The following CHCHD3 variants were observed in gnomAD, a reference collection of about 807,000 sequenced individuals.
CHCHD3 encodes the protein MICOS complex subunit MIC19.
CHCHD3 carries 20 observed loss-of-function variants against 38.2 expected under a neutral mutation model. The observed-to-expected ratio is 0.52, with a 90% confidence interval of 0.37 to 0.76. The LOEUF (loss-of-function observed/expected upper bound fraction) is 0.76, where lower values mean the gene tolerates loss of function less well. Among genes scored for constraint, CHCHD3 ranks in the 30% least tolerant of loss-of-function variants. CHCHD3 has a pLI of 0.00. For synonymous variants in CHCHD3, 82 were observed against 100.0 expected (o/e 0.82, Z 1.07); for missense variants, 245 against 279.2 (o/e 0.88, Z 0.87).
intron 6 of CHCHD3, among the ~76,000 whole-genome samples, chr7:132,833,922 C>T (rs555237635): frequency 6.6e-6 from 1 of 152,272 alleles, no homozygotes; most frequent in South Asian, 2.1e-4. Context: ...AAGCTTCTAT[C>T]TCCTGTAACC....
At chr7:132,989,229 T>A (rs1453525276) in intron 3 of CHCHD3, among the ~76,000 whole-genome samples, 2 of 152,210 alleles carry the variant, frequency 1.3e-5, no homozygotes, top group Non-Finnish European at 2.9e-5. Context: ...AGGACATTTA[T>A]TTTGGTCATC....
chr7:133,036,464 T>C (rs917347043), intron 2 of CHCHD3, among the ~76,000 whole-genome samples: 1 of 152,232 alleles, frequency 6.6e-6, no homozygotes, highest in Non-Finnish European at 1.5e-5. Flanking sequence ...AACTTTCATT[T>C]TACAGTTATA....
At chr7:132,980,754 TG>T (rs776995320) in intron 3 of CHCHD3, among the ~76,000 whole-genome samples, 2 of 152,150 alleles carry the variant, frequency 1.3e-5, no homozygotes, top group Non-Finnish European at 2.9e-5. Flanking sequence ...TCCTTTTAAA[TG>T]GGAAAACAAA....
chr7:132,818,690 C>A (rs1341040469), intron 6 of CHCHD3, among the ~76,000 whole-genome samples: 3 of 151,958 alleles, frequency 2.0e-5, no homozygotes, highest in African/African-American at 7.3e-5. Context: ...GCAAAAAAAA[C>A]AGTCCTTAAA....
chr7:132,976,186 CA>C (rs1299424514), intron 3 of CHCHD3, among the ~76,000 whole-genome samples: 1 of 149,448 alleles, frequency 6.7e-6, no homozygotes. Flanking sequence ...TCCTCATATG[CA>C]AATATGACCA....
intron 2 of CHCHD3, among the ~76,000 whole-genome samples, chr7:133,026,215 G>C (rs1279974844): frequency 6.6e-6 from 1 of 152,088 alleles, no homozygotes; most frequent in Non-Finnish European, 1.5e-5. Context: ...AATTAAAATG[G>C]GCAAAGGCTA....
Position 133,035,064 on chromosome 7 carries a change from C to T in CHCHD3, c.170-10437G>A. 1 of 1,613,794 alleles carries T rather than the reference C, an allele frequency of 6.2e-7. No individual in the cohort carries two copies. Among genetic ancestry groups the T allele is most frequent in the Non-Finnish European group, 8.5e-7 (1 of 1,179,768 alleles). ...CTTAAATTCATCCAACACAAAGGTA[C>T]TCTTGGGCAGGTGAGCGAAGGGGTC... On this transcript the variant is annotated intron_variant, in intron 2 of 7. Transcript: ENST00000262570. The surrounding 1 kb of genome is among the most constrained non-coding windows in gnomAD (Gnocchi z 4.7).
At chr7:132,846,368 G>A (rs964167822) in intron 5 of CHCHD3, among the ~76,000 whole-genome samples, 2 of 152,254 alleles carry the variant, frequency 1.3e-5, no homozygotes, top group Non-Finnish European at 2.9e-5. Context: ...AGCCAACTCA[G>A]CAGGAGTGAG....
chr7:132,828,515 T>TA (rs1439412293), intron 6 of CHCHD3, among the ~76,000 whole-genome samples: 5 of 152,312 alleles, frequency 3.3e-5, no homozygotes, highest in African/African-American at 1.2e-4. Flanking sequence ...TTTGCTTATC[T>TA]CTTAAGAAAA....
At position 133,016,999 on chromosome 7, in the gene CHCHD3, A is replaced by G. The variant is rs1813049563; in HGVS notation, c.251+7547T>C. ...TCCAACAAATGCTATTTGGGTAAGGAAAGTACACTCCTCAAACACAAAGTG... is the reference window on the plus strand; with the variant it reads ...TCCAACAAATGCTATTTGGGTAAGGGAAGTACACTCCTCAAACACAAAGTG... On this transcript the variant is annotated intron_variant, in intron 3 of 7. Transcript: ENST00000262570. Among the ~76,000 whole-genome samples, 3 of 152,228 alleles carry G rather than the reference A, an allele frequency of 2.0e-5. No homozygotes were observed. In the South Asian group the frequency reaches 6.2e-4, roughly 31 times the overall value.
At chr7:132,948,799 G>C (rs1810965797) in intron 4 of CHCHD3, among the ~76,000 whole-genome samples, 1 of 152,106 alleles carries the variant, frequency 6.6e-6, no homozygotes, top group South Asian at 2.1e-4. Context: ...GATGCTGAGA[G>C]AGAAATTCTC....
In CHCHD3 at chr7:132,887,039, G is replaced by GT. The variant is rs530412426; in HGVS notation, c.370-1295dup. 1,131 of 1,033,388 alleles carry GT rather than the reference G, an allele frequency of 1.1e-3. 9 individuals carry two copies. The Middle Eastern group carries it at 0.031, about 28-fold the overall frequency. The allele number at this position is 1,033,388 out of a possible 1,614,324, so 64.0% of individuals were successfully genotyped here. ...ACAGTTATTTAACAACATAAGTACT[G>GT]TTTTTTCCTAATTTCACACACACAC... is the stretch of plus-strand genomic sequence containing the variant. On this transcript the variant is annotated intron_variant, in intron 4 of 7. Coordinates refer to ENST00000262570, the MANE Select transcript of CHCHD3 (RefSeq NM_017812.4).
At chr7:132,868,876 T>C (rs951699737) in intron 5 of CHCHD3, among the ~76,000 whole-genome samples, 2 of 152,138 alleles carry the variant, frequency 1.3e-5, no homozygotes, top group African/African-American at 2.4e-5. Context: ...CTCCTTGCTC[T>C]TGCCCACCAC....
At chr7:133,027,300 A>T (rs779345572) in intron 2 of CHCHD3, among the ~76,000 whole-genome samples, 14 of 151,428 alleles carry the variant, frequency 9.2e-5, no homozygotes, top group Non-Finnish European at 1.6e-4. Flanking sequence ...ACTATAAACC[A>T]CTGAACTGCA....
chr7:133,033,593 G>A lies in CHCHD3; in HGVS notation c.170-8966C>T, dbSNP rs531443375. On this transcript the variant is annotated intron_variant, in intron 2 of 7. Transcript: ENST00000262570. ...AAGTGGGAAATCTAGCTATTTTATGGTTTGTATGACCACAGATAGATAGTC... is the reference window on the plus strand; with the variant it reads ...AAGTGGGAAATCTAGCTATTTTATGATTTGTATGACCACAGATAGATAGTC... Among the ~76,000 whole-genome samples, 5 of 152,210 alleles carry A rather than the reference G, an allele frequency of 3.3e-5. No individual in the cohort carries two copies. The South Asian group carries it at 6.2e-4, about 19-fold the overall frequency.
At chr7:133,020,309 C>T (rs748307501) in intron 3 of CHCHD3, among the ~76,000 whole-genome samples, 2 of 152,216 alleles carry the variant, frequency 1.3e-5, no homozygotes, top group Admixed American at 6.5e-5. Context: ...AAGAAACCTC[C>T]TCTAAGGCAA....
At chr7:132,944,751 G>A (rs1378482408) in intron 4 of CHCHD3, among the ~76,000 whole-genome samples, 2 of 151,964 alleles carry the variant, frequency 1.3e-5, no homozygotes, top group African/African-American at 4.8e-5. Context: ...TAGTCATCAG[G>A]AGTGGTAGGA....
chr7:133,059,017 G>GAAGCC (rs1814421679), intron 2 of CHCHD3, among the ~76,000 whole-genome samples: 1 of 152,162 alleles, frequency 6.6e-6, no homozygotes, highest in Non-Finnish European at 1.5e-5. Context: ...CCCCTACCCA[G>GAAGCC]AAGCCAAACC....
At chr7:132,915,920 T>C (rs1810092829) in intron 4 of CHCHD3, among the ~76,000 whole-genome samples, 1 of 151,940 alleles carries the variant, frequency 6.6e-6, no homozygotes, top group Admixed American at 6.6e-5. Flanking sequence ...TGCTTTGTGG[T>C]GAGTTTGGTT....
Sources: gnomAD v4.1 joint callset for allele counts (sites outside exome capture counted in the v4.1 genomes callset) on GRCh38, gnomAD v4.1.1 for gene constraint, Gnocchi (gnomAD v3.1) non-coding constraint, MANE v1.5 for transcripts, NCBI Gene and HGNC (gene_info 2026-07-23, HGNC 2026-07-21) for gene names.